Variants in NEBL observed in about 807,000 individuals in gnomAD.
NEBL encodes nebulette.
In NEBL, 122 loss-of-function variants were observed where a neutral mutation model predicts 140.2. That is an observed-to-expected ratio of 0.87 (90% confidence interval 0.75 to 1.01). The LOEUF (loss-of-function observed/expected upper bound fraction) is 1.01. NEBL is among the 50% of genes least tolerant of loss of function. NEBL has a pLI of 0.00. For synonymous variants in NEBL, 436 were observed against 398.9 expected (o/e 1.09, Z -1.11); for missense variants, 1,365 against 1,231.3 (o/e 1.11, Z -1.62).
chr10:21,254,696 G>A (rs550927698), intron 1 of NEBL, among the ~76,000 whole-genome samples: 10 of 152,338 alleles, frequency 6.6e-5, no homozygotes, highest in East Asian at 5.8e-4. Context: ...CTGCAAGGAC[G>A]TGGCCAGGCA....
At chr10:21,239,828 A>T (rs1172872391) in intron 3 of NEBL, among the ~76,000 whole-genome samples, 1 of 152,098 alleles carries the variant, frequency 6.6e-6, no homozygotes. Flanking sequence ...CATCCTAGCT[A>T]ACATGGTGAA....
At chr10:20,803,978 A>G (rs180796510) in intron 26 of NEBL, among the ~76,000 whole-genome samples, 2 of 151,674 alleles carry the variant, frequency 1.3e-5, no homozygotes, top group East Asian at 3.9e-4. Context: ...TATAAAAATA[A>G]TTATACTTAT....
At chr10:21,013,417 A>G (rs1470699468) in intron 3 of NEBL, among the ~76,000 whole-genome samples, 4 of 152,186 alleles carry the variant, frequency 2.6e-5, no homozygotes, top group African/African-American at 9.7e-5. Context: ...AAATGGTGGA[A>G]AATCAAAAGG....
Position 20,875,196 on chromosome 10 carries a change from T to G in NEBL, c.481-5355A>C, listed in dbSNP as rs142300825. 4.0e-3 allele frequency among the ~76,000 whole-genome samples: 616 copies of G among 152,328 alleles called. 6 individuals are homozygous for G. The highest frequency in any genetic ancestry group is 0.014 in the African/African-American group (572 of 41,584). On this transcript the variant is annotated intron_variant, in intron 5 of 27. Transcript: ENST00000377122. ...TTTATTGTCTTTTAATCTCAGCTTG[T>G]TCTCTCCTTATAATCCTCCCACTTC...
At position 21,289,619 on chromosome 10, in the gene NEBL, C is replaced by T. The variant is rs185472316; in HGVS notation, n.182+3211G>A. ...CCACAGTGTCAGGACTTCTCCAGAG[C>T]ACCCAGCGTGTGTTAATCTCATGGA... On this transcript the variant is annotated intron_variant and non_coding_transcript_variant, in intron 1 of 8. Coordinates refer to the NEBL transcript ENST00000675702. 4.6e-5 allele frequency among the ~76,000 whole-genome samples: 7 copies of T among 152,278 alleles called. No individual in the cohort carries two copies. The East Asian group carries it at 1.4e-3, about 29-fold the overall frequency.
chr10:21,077,776 CT>C (rs1378518570), intron 2 of NEBL, among the ~76,000 whole-genome samples: 3 of 152,090 alleles, frequency 2.0e-5, no homozygotes, highest in Non-Finnish European at 4.4e-5. Flanking sequence ...GCACTTGCCC[CT>C]ACCTCCCACA....
intron 5 of NEBL, among the ~76,000 whole-genome samples, chr10:20,874,370 G>A (rs779921074): frequency 8.5e-5 from 13 of 152,236 alleles, no homozygotes; most frequent in South Asian, 2.1e-4. Flanking sequence ...TAATGAAATC[G>A]GACAGACACG....
At chr10:20,819,609 C>G in intron 19 of NEBL, 93 bp from the exon 20 acceptor site, 1 of 1,411,396 alleles carries the variant, frequency 7.1e-7, no homozygotes, top group South Asian at 1.2e-5. Flanking sequence ...CACATGGCTA[C>G]AGAACATTCA....
upstream of NEBL, chr10:20,899,574 G>T: frequency 2.4e-6 from 1 of 408,892 alleles, no homozygotes; most frequent in Non-Finnish European, 4.3e-6. Context: ...CAAGCCAAAG[G>T]GATCCTTAAG....
At chr10:20,881,028 C>A (rs1408689893) in intron 4 of NEBL, 124 bp from the exon 5 acceptor site, 1 of 744,626 alleles carries the variant, frequency 1.3e-6, no homozygotes, top group Non-Finnish European at 2.4e-6. Flanking sequence ...TTGCCTAAAT[C>A]TCTGTAACAA....
At chr10:20,954,272 A>AGT (rs1343261773) in intron 4 of NEBL, among the ~76,000 whole-genome samples, 1 of 152,226 alleles carries the variant, frequency 6.6e-6, no homozygotes. Flanking sequence ...ACACAAGGCC[A>AGT]GGAGATTCAC....
chr10:21,126,201 A>G (rs1192443783), intron 2 of NEBL: 4 of 1,405,026 alleles, frequency 2.8e-6, no homozygotes, highest in African/African-American at 1.4e-5. Context: ...CACATTTGGA[A>G]TAATAACAAC....
intron 7 of NEBL, among the ~76,000 whole-genome samples, chr10:20,864,416 T>C (rs1844053820): frequency 1.3e-5 from 2 of 152,190 alleles, no homozygotes; most frequent in Admixed American, 1.3e-4. Flanking sequence ...AAAGCTATTG[T>C]AGAAGTTAAT....
At chr10:21,087,127 T>C (rs1395813146) in intron 2 of NEBL, among the ~76,000 whole-genome samples, 1 of 152,184 alleles carries the variant, frequency 6.6e-6, no homozygotes, top group Non-Finnish European at 1.5e-5. Context: ...GTGTCACATT[T>C]ATTTATTTTT....
intron 1 of NEBL, among the ~76,000 whole-genome samples, chr10:21,284,055 A>T (rs1192096228): frequency 6.7e-6 from 1 of 149,790 alleles, no homozygotes; most frequent in East Asian, 2.0e-4. Context: ...AAAAAAAAAA[A>T]AAAAATGAGC....
chr10:21,061,851 C>T (rs1202348542), intron 2 of NEBL, among the ~76,000 whole-genome samples: 1 of 152,176 alleles, frequency 6.6e-6, no homozygotes, highest in Non-Finnish European at 1.5e-5. Context: ...CACCTCTGTA[C>T]TTAAAGCTAC....
chr10:21,123,724 AAT>A (rs140888177), intron 2 of NEBL, among the ~76,000 whole-genome samples: 18,658 of 148,510 alleles, frequency 0.13, 2,314 homozygotes, highest in African/African-American at 0.31. Flanking sequence ...ATATCATCAG[AAT>A]ATATATATAT....
intron 26 of NEBL, among the ~76,000 whole-genome samples, chr10:20,796,280 A>G (rs1836514753): frequency 6.9e-6 from 1 of 144,954 alleles, no homozygotes; most frequent in African/African-American, 2.5e-5. Context: ...AATCGCTTGA[A>G]CCCAGGAGGC....
At chr10:20,939,861 G>C (rs1488667490) in intron 4 of NEBL, among the ~76,000 whole-genome samples, 1 of 152,120 alleles carries the variant, frequency 6.6e-6, no homozygotes, top group Non-Finnish European at 1.5e-5. Flanking sequence ...ATGGTAAAGG[G>C]ATCAATTCAA....
Sources: gnomAD v4.1 joint callset for allele counts (sites outside exome capture counted in the v4.1 genomes callset) on GRCh38, gnomAD v4.1.1 for gene constraint, MANE v1.5 for transcripts, NCBI Gene and HGNC (gene_info 2026-07-23, HGNC 2026-07-21) for gene names.